MTUS2: variants seen among roughly 807,000 people sequenced by gnomAD.
MTUS2 encodes microtubule-associated tumor suppressor candidate 2.
Under a neutral mutation model 114.1 loss-of-function variants are expected in MTUS2, and 40 were observed. That is an observed-to-expected ratio of 0.35 (90% CI 0.27 to 0.46). The LOEUF is 0.46. Among genes scored for constraint, MTUS2 ranks in the 20% least tolerant of loss-of-function variants. The pLI is 1.00. For missense variants in MTUS2, 1,679 were observed against 1,705.4 expected (o/e 0.98, Z 0.27); for synonymous variants, 688 against 672.0 (o/e 1.02, Z -0.37).
chr13:29,138,726 A>T (rs1892091034), intron 5 of MTUS2, among the ~76,000 whole-genome samples: 1 of 149,232 alleles, frequency 6.7e-6, no homozygotes, highest in Admixed American at 6.7e-5. Flanking sequence ...TGATAAATAA[A>T]TTTTTTCTTA....
At chr13:29,090,315 T>G (rs567719156) in intron 4 of MTUS2, among the ~76,000 whole-genome samples, 1 of 152,292 alleles carries the variant, frequency 6.6e-6, no homozygotes, top group East Asian at 1.9e-4. Flanking sequence ...AGAGCCGAGA[T>G]GTTCCTAGTT....
chr13:29,352,069 G>A (rs924934879), intron 7 of MTUS2, among the ~76,000 whole-genome samples: 3 of 152,070 alleles, frequency 2.0e-5, no homozygotes, highest in East Asian at 1.9e-4. Context: ...GCAAGTGTTG[G>A]TTCTTAGTTG....
intron 4 of MTUS2, among the ~76,000 whole-genome samples, chr13:29,086,666 A>C (rs976891929): frequency 3.9e-5 from 6 of 152,192 alleles, no homozygotes; most frequent in African/African-American, 1.4e-4. Context: ...GAAAAATGGC[A>C]TTGATAGTTT....
chr13:28,826,818 ACAG>A (rs1392435511), intron 1 of MTUS2, among the ~76,000 whole-genome samples: 1 of 152,254 alleles, frequency 6.6e-6, no homozygotes, highest in Non-Finnish European at 1.5e-5. Context: ...TGATAATAAA[ACAG>A]CAGAAGCAAA....
At chr13:29,049,052 C>T (rs532999054) in intron 4 of MTUS2, among the ~76,000 whole-genome samples, 1 of 152,200 alleles carries the variant, frequency 6.6e-6, no homozygotes, top group Admixed American at 6.5e-5. Context: ...ACTGTCTGAC[C>T]CGTTAAGAAA....
intron 4 of MTUS2, among the ~76,000 whole-genome samples, chr13:29,046,621 C>A (rs1887630995): frequency 6.6e-6 from 1 of 152,192 alleles, no homozygotes; most frequent in Non-Finnish European, 1.5e-5. Context: ...TTTTCTAAAT[C>A]TTGCCAGCTG....
chr13:29,444,872 C>T (rs183764974), intron 9 of MTUS2, among the ~76,000 whole-genome samples: 1 of 152,308 alleles, frequency 6.6e-6, no homozygotes. Flanking sequence ...CAGAGGATAT[C>T]CCCTTCCTTC....
chr13:29,051,687 T>C (rs997103034), intron 4 of MTUS2, among the ~76,000 whole-genome samples: 1 of 152,158 alleles, frequency 6.6e-6, no homozygotes, highest in Non-Finnish European at 1.5e-5. Flanking sequence ...TGGTCAATAA[T>C]GTTGAATGCC....
At chr13:29,047,348 G>C (rs907346594) in intron 4 of MTUS2, among the ~76,000 whole-genome samples, 1 of 152,070 alleles carries the variant, frequency 6.6e-6, no homozygotes, top group Admixed American at 6.5e-5. Context: ...CGTGATAGCA[G>C]AGACCATATT....
At chr13:29,404,572 T>C (rs1874613858) in intron 8 of MTUS2, among the ~76,000 whole-genome samples, 1 of 152,126 alleles carries the variant, frequency 6.6e-6, no homozygotes, top group Admixed American at 6.6e-5. Flanking sequence ...TTAACATTGT[T>C]CTTAGAGCCA....
intron 8 of MTUS2, among the ~76,000 whole-genome samples, chr13:29,411,509 C>T (rs1037005664): frequency 2.0e-5 from 3 of 152,160 alleles, no homozygotes; most frequent in Admixed American, 6.5e-5. Flanking sequence ...TAGATCTAGA[C>T]CCTCTGCATA....
intron 8 of MTUS2, among the ~76,000 whole-genome samples, chr13:29,434,162 G>A (rs903102626): frequency 6.6e-6 from 1 of 152,150 alleles, no homozygotes. Context: ...AGGAGCTGAT[G>A]AAAATGCTCA....
chr13:29,467,669 T>A (rs1209374080), intron 9 of MTUS2, among the ~76,000 whole-genome samples: 1 of 152,342 alleles, frequency 6.6e-6, no homozygotes, highest in African/African-American at 2.4e-5. Context: ...AACCATCCTC[T>A]TAAATCCATT....
At chr13:29,155,174 T>G (rs1434646858) in intron 5 of MTUS2, among the ~76,000 whole-genome samples, 2 of 152,240 alleles carry the variant, frequency 1.3e-5, no homozygotes, top group African/African-American at 4.8e-5. Context: ...AAGGTTTACC[T>G]GTATTTGATG....
chr13:29,374,790 G>A (rs536329428), intron 8 of MTUS2, among the ~76,000 whole-genome samples: 71 of 152,016 alleles, frequency 4.7e-4, no homozygotes, highest in Non-Finnish European at 8.7e-4. Flanking sequence ...CCAGCTACTC[G>A]GGAGGCTGAC....
intron 8 of MTUS2, among the ~76,000 whole-genome samples, chr13:29,361,299 AT>A (rs1455338469): frequency 6.6e-6 from 1 of 152,110 alleles, no homozygotes; most frequent in Admixed American, 6.5e-5. Flanking sequence ...CATGAATTTC[AT>A]TTTCTTTTCA....
At chr13:29,201,219 A>T (rs2139238549) in intron 5 of MTUS2, among the ~76,000 whole-genome samples, 1 of 152,248 alleles carries the variant, frequency 6.6e-6, no homozygotes, top group East Asian at 1.9e-4. Flanking sequence ...TATGTTTAGA[A>T]TAGTTAGCTC....
intron 6 of MTUS2, among the ~76,000 whole-genome samples, chr13:29,317,964 C>T (rs552908901): frequency 3.3e-5 from 5 of 152,254 alleles, no homozygotes; most frequent in South Asian, 2.1e-4. Flanking sequence ...TCATCACTTG[C>T]GTTGTGGCCA....
chr13:29,097,870 G>C (rs1252670511), intron 4 of MTUS2, among the ~76,000 whole-genome samples: 3 of 152,152 alleles, frequency 2.0e-5, no homozygotes, highest in Non-Finnish European at 4.4e-5. Context: ...TTTGGGGTTG[G>C]GGGAGACAGA....
Sources: gnomAD v4.1 joint callset for allele counts (sites outside exome capture counted in the v4.1 genomes callset) on GRCh38, gnomAD v4.1.1 for gene constraint, MANE v1.5 for transcripts, NCBI Gene and HGNC (gene_info 2026-07-23, HGNC 2026-07-21) for gene names.